SDK1: variants seen among roughly 807,000 people sequenced by gnomAD.
SDK1 encodes the protein sidekick cell adhesion molecule 1, also known as protein sidekick-1.
SDK1 carries 157 observed loss-of-function variants against 245.5 expected under a neutral mutation model. The ratio of observed to expected loss-of-function variants is 0.64; its 90% CI spans 0.56 to 0.73. The LOEUF (loss-of-function observed/expected upper bound fraction) is 0.73, where lower values mean the gene tolerates loss of function less well. Ranked by LOEUF, SDK1 falls within the 30% of genes least tolerant of loss-of-function variation. SDK1 has a pLI of 0.00. For missense variants in SDK1, 3,583 were observed against 3,002.3 expected, an observed-to-expected ratio of 1.19 and a Z score of -4.52; for synonymous variants, 1,647 against 1,278.5, an observed-to-expected ratio of 1.29 and a Z score of -6.15.
At chr7:3,969,100 C>G (rs1296912776) in intron 10 of SDK1, among the ~76,000 whole-genome samples, 157 bp from the exon 11 acceptor site, 1 of 152,216 alleles carries the variant, frequency 6.6e-6, no homozygotes, top group Non-Finnish European at 1.5e-5. Context: ...TCACCTCCCA[C>G]CAGATTCCTC....
At chr7:3,462,957 G>T (rs866775467) in intron 1 of SDK1, among the ~76,000 whole-genome samples, 18 of 152,164 alleles carry the variant, frequency 1.2e-4, no homozygotes, top group Non-Finnish European at 5.9e-5. Context: ...CCCTCACATG[G>T]ATTTTACCTC....
At chr7:4,248,701 C>T (rs997955680) in intron 44 of SDK1, among the ~76,000 whole-genome samples, 1 of 151,956 alleles carries the variant, frequency 6.6e-6, no homozygotes, top group Non-Finnish European at 1.5e-5. Flanking sequence ...CATACATGCA[C>T]ACATGTACAC....
intron 1 of SDK1, among the ~76,000 whole-genome samples, chr7:3,591,478 C>G (rs1780873348): frequency 6.6e-6 from 1 of 152,236 alleles, no homozygotes; most frequent in Non-Finnish European, 1.5e-5. Context: ...TCGGCTTTGG[C>G]CACGTTGTGA....
intron 4 of SDK1, among the ~76,000 whole-genome samples, chr7:3,662,037 TTG>T (rs1783378794): frequency 1.7e-5 from 2 of 115,126 alleles, no homozygotes; most frequent in African/African-American, 6.2e-5. Flanking sequence ...GAGGCAACGG[TTG>T]TATTTTTTTT....
In SDK1 at chr7:3,349,756, C is replaced by T. The variant is rs530672827; in HGVS notation, c.298+47872C>T. Among the ~76,000 whole-genome samples, 579 of 137,596 alleles carry T rather than the reference C, an allele frequency of 4.2e-3. 2 individuals are homozygous for T. The highest frequency in any genetic ancestry group is 0.015 in the Middle Eastern group (4 of 272). The allele number at this position is 137,596 out of a possible 152,430, so 90.3% of individuals were successfully genotyped here. On this transcript the variant is annotated intron_variant, in intron 1 of 44. Transcript: ENST00000404826. The stretch of plus-strand genomic sequence containing the variant: ...CTGGGCCTACAGGCACCTGCCACCA[C>T]GCCTGGTTAATTTTTTTTTGTATTT...
At chr7:3,767,517 T>G (rs73672167) in intron 4 of SDK1, among the ~76,000 whole-genome samples, 4,698 of 151,354 alleles carry the variant, frequency 0.031, 238 homozygotes, top group African/African-American at 0.11. Flanking sequence ...CAAAATGAAA[T>G]TCATGATAGC....
At chr7:4,081,721 A>G (rs1054627190) in intron 22 of SDK1, among the ~76,000 whole-genome samples, 1 of 152,142 alleles carries the variant, frequency 6.6e-6, no homozygotes, top group Non-Finnish European at 1.5e-5. Flanking sequence ...CCTGACCTGT[A>G]AAGAGGTTTT....
At chr7:4,107,854 G>T (rs531206131) in intron 22 of SDK1, among the ~76,000 whole-genome samples, 1 of 152,320 alleles carries the variant, frequency 6.6e-6, no homozygotes, top group Admixed American at 6.5e-5. Flanking sequence ...TTACCTGGAG[G>T]CCTGTAAGGT....
chr7:3,358,138 C>A (rs1372240030), intron 1 of SDK1, among the ~76,000 whole-genome samples: 1 of 152,106 alleles, frequency 6.6e-6, no homozygotes, highest in African/African-American at 2.4e-5. Context: ...TCTCCTGCGT[C>A]AGCTTCCTGA....
At chr7:3,768,500 C>T (rs1295093879) in intron 4 of SDK1, among the ~76,000 whole-genome samples, 2 of 152,184 alleles carry the variant, frequency 1.3e-5, no homozygotes, top group East Asian at 3.9e-4. Context: ...CATTTCTCAG[C>T]TCAGCAGCAG....
At chr7:3,793,032 G>A (rs1778855709) in intron 4 of SDK1, among the ~76,000 whole-genome samples, 1 of 152,154 alleles carries the variant, frequency 6.6e-6, no homozygotes, top group African/African-American at 2.4e-5. Flanking sequence ...TTGTGTAGGA[G>A]CTAATGGAAA....
In SDK1 at chr7:4,051,128, T is replaced by TG. The variant is rs1235600916; in HGVS notation, c.2719-510_2719-509insG. ...AATATATATGTATAATATATACATA[T>TG]TATATATAATATATGTATAATATAT... is the stretch of plus-strand genomic sequence containing the variant. On this transcript the variant is annotated intron_variant, in intron 18 of 44. Transcript: ENST00000404826. Among the ~76,000 whole-genome samples the TG allele has an allele frequency of 3.5e-4, 48 of 137,572 alleles. 1 individual carries two copies. The South Asian group carries it at 0.011, about 31-fold the overall frequency. 90.3% of individuals were successfully genotyped at this position (137,572 alleles called of 152,430 possible).
chr7:3,822,409 G>T (rs950986684), intron 5 of SDK1, among the ~76,000 whole-genome samples: 2 of 152,162 alleles, frequency 1.3e-5, no homozygotes, highest in South Asian at 4.1e-4. Context: ...TGATTTGTTT[G>T]TATAGTAGTG....
At chr7:3,530,125 A>G (rs989224027) in intron 1 of SDK1, among the ~76,000 whole-genome samples, 1 of 152,214 alleles carries the variant, frequency 6.6e-6, no homozygotes, top group Admixed American at 6.5e-5. Context: ...GCACCAATTT[A>G]TATCCACACT....
chr7:3,360,286 A>G (rs1402592545), intron 1 of SDK1, among the ~76,000 whole-genome samples: 1 of 152,212 alleles, frequency 6.6e-6, no homozygotes, highest in Non-Finnish European at 1.5e-5. Flanking sequence ...CTGTTGAATT[A>G]TATGCAATCT....
intron 4 of SDK1, among the ~76,000 whole-genome samples, chr7:3,669,315 T>G (rs1195787250): frequency 6.6e-6 from 1 of 152,200 alleles, no homozygotes; most frequent in East Asian, 1.9e-4. Flanking sequence ...ACAGATTAAC[T>G]ACAGACCTTG....
chr7:3,992,421 C>T (rs1324243149), intron 14 of SDK1, among the ~76,000 whole-genome samples: 1 of 152,108 alleles, frequency 6.6e-6, no homozygotes. Context: ...CAGTAGTGTC[C>T]TAGGCCTGGG....
At chr7:3,353,237 T>C (rs572989244) in intron 1 of SDK1, among the ~76,000 whole-genome samples, 1 of 152,302 alleles carries the variant, frequency 6.6e-6, no homozygotes, top group African/African-American at 2.4e-5. Flanking sequence ...CTTTTTACTA[T>C]CCTTTTCTTA....
At chr7:4,083,771 C>T (rs1165914385) in intron 22 of SDK1, among the ~76,000 whole-genome samples, 2 of 1,368 alleles carry the variant, frequency 1.5e-3, no homozygotes, top group Non-Finnish European at 3.6e-3. Context: ...CCCTCCCTCC[C>T]TTCTTTCCTC....
Sources: allele counts gnomAD v4.1 joint callset (sites outside exome capture counted in the v4.1 genomes callset), GRCh38; gene constraint gnomAD v4.1.1; transcripts MANE v1.5; gene names NCBI Gene and HGNC (gene_info 2026-07-23, HGNC 2026-07-21).